CACNB4: variants seen among roughly 807,000 people sequenced by gnomAD.
CACNB4 encodes calcium voltage-gated channel auxiliary subunit beta 4, also known as voltage-dependent L-type calcium channel subunit beta-4.
A neutral mutation model predicts 71.2 loss-of-function variants in CACNB4; 32 were observed. The observed-to-expected ratio is 0.45, with a 90% CI of 0.34 to 0.60. The LOEUF (loss-of-function observed/expected upper bound fraction) is 0.60, where lower values mean the gene tolerates loss of function less well. Ranked by LOEUF, CACNB4 falls within the 20% of genes least tolerant of loss-of-function variation. The pLI is 0.01. For missense variants in CACNB4, 464 were observed against 647.9 expected, an observed-to-expected ratio of 0.72 and a Z score of 3.08; for synonymous variants, 231 against 236.9, an observed-to-expected ratio of 0.97 and a Z score of 0.23.
intron 2 of CACNB4, among the ~76,000 whole-genome samples, chr2:151,963,098 G>T (rs2099870089): frequency 6.6e-6 from 1 of 151,976 alleles, no homozygotes; most frequent in Admixed American, 6.6e-5. Context: ...AGATCACAAG[G>T]TCAGGAGATC....
At chr2:152,043,869 A>G (rs1685002693) in intron 2 of CACNB4, among the ~76,000 whole-genome samples, 1 of 152,180 alleles carries the variant, frequency 6.6e-6, no homozygotes, top group Admixed American at 6.5e-5. Flanking sequence ...CTTCTTTTCC[A>G]GGCTTCACAA....
chr2:151,871,003 C>T (rs2099844473), intron 6 of CACNB4, 142 bp from the exon 7 acceptor site: 1 of 640,416 alleles, frequency 1.6e-6, no homozygotes, highest in East Asian at 2.7e-5. Context: ...GGAGAACCTG[C>T]CTTATGATTT....
intron 2 of CACNB4, among the ~76,000 whole-genome samples, chr2:152,030,814 A>G (rs948330247): frequency 3.9e-5 from 6 of 152,220 alleles, no homozygotes; most frequent in Non-Finnish European, 8.8e-5. Flanking sequence ...TCCATGGTGT[A>G]TATGTGCCAC....
At chr2:151,905,752 C>T (rs1178137348) in intron 2 of CACNB4, among the ~76,000 whole-genome samples, 1 of 152,136 alleles carries the variant, frequency 6.6e-6, no homozygotes, top group African/African-American at 2.4e-5. Flanking sequence ...AAGAGATCAA[C>T]CAGAAAGGCA....
intron 2 of CACNB4, among the ~76,000 whole-genome samples, chr2:152,042,920 G>T (rs1684952600): frequency 6.6e-6 from 1 of 152,124 alleles, no homozygotes; most frequent in Non-Finnish European, 1.5e-5. Flanking sequence ...CCAAAACCAA[G>T]ATGGAGAGGA....
chr2:151,989,107 C>A (rs933217648), intron 2 of CACNB4, among the ~76,000 whole-genome samples: 1 of 152,178 alleles, frequency 6.6e-6, no homozygotes, highest in East Asian at 1.9e-4. Flanking sequence ...ATCTTCTCAC[C>A]TGTGTTTGGA....
chr2:151,982,538 G>A (rs996656372), intron 2 of CACNB4, among the ~76,000 whole-genome samples: 1 of 151,740 alleles, frequency 6.6e-6, no homozygotes, highest in African/African-American at 2.4e-5. Flanking sequence ...GGAGGCTGAG[G>A]CAGGAGAATG....
intron 2 of CACNB4, among the ~76,000 whole-genome samples, chr2:151,950,041 A>G (rs948820730): frequency 1.3e-5 from 2 of 152,126 alleles, no homozygotes; most frequent in African/African-American, 2.4e-5. Context: ...CTCCATCTCA[A>G]AAAATAAATA....
At chr2:151,852,326 C>T (rs2099839287) in intron 12 of CACNB4, 1 of 152,178 alleles carries the variant, frequency 6.6e-6, no homozygotes, top group Admixed American at 6.5e-5. Flanking sequence ...CTCTTATCGT[C>T]TGAACATCCT....
chr2:152,087,424 C>A (rs1183382631), intron 2 of CACNB4, among the ~76,000 whole-genome samples: 1 of 146,034 alleles, frequency 6.8e-6, no homozygotes, highest in Non-Finnish European at 1.5e-5. Context: ...AGAACGGGAC[C>A]CCATCTCAAA....
intron 2 of CACNB4, among the ~76,000 whole-genome samples, chr2:151,935,400 A>G (rs936230659): frequency 6.6e-6 from 1 of 152,254 alleles, no homozygotes; most frequent in African/African-American, 2.4e-5. Flanking sequence ...AAAGTGAGAC[A>G]ATGCATCAAA....
chr2:151,868,731 T>G (rs981097980), intron 9 of CACNB4: 3 of 151,730 alleles, frequency 2.0e-5, no homozygotes, highest in African/African-American at 7.3e-5. Context: ...CACTCTCTTC[T>G]TTTGAGGAAA....
intron 2 of CACNB4, among the ~76,000 whole-genome samples, chr2:151,949,153 G>A (rs529521548): frequency 2.8e-4 from 42 of 149,998 alleles, no homozygotes; most frequent in South Asian, 1.7e-3. Flanking sequence ...CAATTAACAC[G>A]TATGATACCT....
At chr2:152,028,622 T>A (rs2105171555) in intron 2 of CACNB4, among the ~76,000 whole-genome samples, 1 of 152,364 alleles carries the variant, frequency 6.6e-6, no homozygotes, top group Middle Eastern at 3.4e-3. Context: ...TAATTTGTTT[T>A]CCTTGGAATC....
intron 2 of CACNB4, among the ~76,000 whole-genome samples, chr2:152,006,732 A>T (rs1682751208): frequency 6.6e-6 from 1 of 152,178 alleles, no homozygotes; most frequent in Non-Finnish European, 1.5e-5. Context: ...GCCTTTCATT[A>T]TCTGCCCTGG....
chr2:151,935,993 G>A (rs1245753057), intron 2 of CACNB4, among the ~76,000 whole-genome samples: 1 of 152,032 alleles, frequency 6.6e-6, no homozygotes, highest in East Asian at 1.9e-4. Context: ...TAGTTTTCAG[G>A]TGCTGGTGAA....
At chr2:152,094,605 A>G (rs746187069) in intron 2 of CACNB4, among the ~76,000 whole-genome samples, 1 of 152,184 alleles carries the variant, frequency 6.6e-6, no homozygotes, top group African/African-American at 2.4e-5. Flanking sequence ...CTCGGGGTAC[A>G]TGGTCATTGA....
Position 152,089,718 on chromosome 2 carries a change from G to T in CACNB4, c.147+8612C>A, listed in dbSNP as rs549154553. On this transcript the variant is annotated intron_variant, in intron 2 of 13. Transcript: ENST00000539935. ...AGGCTGAGGTGAAAGGACTGCTTGA[G>T]CCCAGCAGTTTGAGACCAGCCTGGG... Among the ~76,000 whole-genome samples the T allele has an allele frequency of 3.3e-5, 5 of 152,024 alleles. No homozygotes were observed. In the South Asian group the frequency reaches 6.2e-4, roughly 19 times the overall value.
chr2:151,958,573 G>A (rs62175753), intron 2 of CACNB4, among the ~76,000 whole-genome samples: 4,381 of 152,236 alleles, frequency 0.029, 65 homozygotes, highest in African/African-American at 0.039. Context: ...CACCTAAGCC[G>A]AAAGTGGGAG....
Sources: gnomAD v4.1 joint callset for allele counts (sites outside exome capture counted in the v4.1 genomes callset) on GRCh38, gnomAD v4.1.1 for gene constraint, MANE v1.5 for transcripts, NCBI Gene and HGNC (gene_info 2026-07-23, HGNC 2026-07-21) for gene names.